ACOXL: variants seen among roughly 807,000 people sequenced by gnomAD.
The protein encoded by ACOXL is acyl-CoA oxidase like.
ACOXL carries 70 observed loss-of-function variants against 71.9 expected under a neutral mutation model. The observed-to-expected ratio is 0.97, with a 90% confidence interval of 0.80 to 1.19. The LOEUF (loss-of-function observed/expected upper bound fraction) is 1.19. ACOXL is among the 50% of genes most tolerant of loss of function. The pLI, the probability that ACOXL is intolerant of heterozygous loss-of-function variation, is 0.00. For missense variants in ACOXL, 703 were observed against 736.3 expected (o/e 0.95, Z 0.52); for synonymous variants, 253 against 281.6 (o/e 0.90, Z 1.02).
At chr2:110,916,280 A>G (rs1174484322) in intron 11 of ACOXL, among the ~76,000 whole-genome samples, 6 of 150,864 alleles carry the variant, frequency 4.0e-5, no homozygotes, top group South Asian at 4.2e-4. Flanking sequence ...CTGGGTGTTT[A>G]TCAGCTTAGT....
chr2:111,024,912 T>C (rs1033036305), intron 14 of ACOXL, among the ~76,000 whole-genome samples: 6 of 149,582 alleles, frequency 4.0e-5, no homozygotes, highest in Non-Finnish European at 8.9e-5. Flanking sequence ...TATAATAATA[T>C]ATATTACATA....
intron 13 of ACOXL, among the ~76,000 whole-genome samples, chr2:110,993,873 G>A (rs144609098): frequency 3.3e-4 from 50 of 152,302 alleles, no homozygotes; most frequent in African/African-American, 1.2e-3. Flanking sequence ...TTTCCCTGAT[G>A]TCTAATGATA....
At chr2:110,767,271 C>T (rs1681213738) in intron 1 of ACOXL, among the ~76,000 whole-genome samples, 2 of 152,120 alleles carry the variant, frequency 1.3e-5, no homozygotes, top group African/African-American at 2.4e-5. Context: ...GAAGTGGGCA[C>T]CAAGGTGGGG....
chr2:110,917,804 A>C (rs1003541259), intron 11 of ACOXL, among the ~76,000 whole-genome samples: 2 of 152,230 alleles, frequency 1.3e-5, no homozygotes, highest in Admixed American at 6.5e-5. Flanking sequence ...CCTATTCAAA[A>C]TTGCTACAAA....
chr2:110,790,231 G>A (rs1004617409), intron 3 of ACOXL, among the ~76,000 whole-genome samples: 3 of 152,320 alleles, frequency 2.0e-5, no homozygotes, highest in East Asian at 1.9e-4. Context: ...TAGTGGCTCC[G>A]TTGGTGGGTT....
chr2:110,954,241 T>C (rs906850959), intron 12 of ACOXL, among the ~76,000 whole-genome samples: 5 of 152,242 alleles, frequency 3.3e-5, no homozygotes, highest in Non-Finnish European at 2.9e-5. Flanking sequence ...CTTTTCTGTG[T>C]TATTGTGTTT....
chr2:111,086,854 A>T (rs2068236282), intron 16 of ACOXL, among the ~76,000 whole-genome samples: 1 of 152,230 alleles, frequency 6.6e-6, no homozygotes, highest in Non-Finnish European at 1.5e-5. Flanking sequence ...GAAGGGAGGA[A>T]GTCAAACTAT....
chr2:110,750,064 T>C (rs1393602113), intron 1 of ACOXL, among the ~76,000 whole-genome samples: 1 of 152,214 alleles, frequency 6.6e-6, no homozygotes, highest in Admixed American at 6.5e-5. Context: ...CGACATGGCT[T>C]ATCCCTGGTG....
At chr2:110,920,895 T>G (rs1251973990) in intron 11 of ACOXL, among the ~76,000 whole-genome samples, 1 of 152,174 alleles carries the variant, frequency 6.6e-6, no homozygotes, top group Non-Finnish European at 1.5e-5. Flanking sequence ...CCTACTCATA[T>G]TTTACTATGT....
At chr2:111,007,989 T>G (rs1198372806) in intron 14 of ACOXL, among the ~76,000 whole-genome samples, 2 of 152,222 alleles carry the variant, frequency 1.3e-5, no homozygotes. Flanking sequence ...GCTCACCCCC[T>G]GTGTACACAA....
chr2:111,116,547 G>C (rs564398589), intron 17 of ACOXL, among the ~76,000 whole-genome samples: 1 of 152,290 alleles, frequency 6.6e-6, no homozygotes, highest in East Asian at 1.9e-4. Context: ...GGGAAACTGT[G>C]ATCTTAACAA....
rs530214806 is a variant in ACOXL, at chr2:110,781,307, T to C, written c.76-3425T>C. ...AGGAGGCCTGTCAAGAGGCTGTTAC[T>C]ATAGTCCAGGGCACAAGAGTCTGGT... On this transcript the variant is annotated intron_variant, in intron 2 of 17. Transcript: ENST00000439055. Among the ~76,000 whole-genome samples, 155 of 152,222 alleles carry C rather than the reference T, an allele frequency of 1.0e-3. 1 individual carries two copies. Among genetic ancestry groups the C allele is most frequent in the African/African-American group, 3.6e-3 (148 of 41,550 alleles).
At chr2:110,847,010 C>G (rs1481762746) in intron 10 of ACOXL, among the ~76,000 whole-genome samples, 1 of 152,138 alleles carries the variant, frequency 6.6e-6, no homozygotes, top group African/African-American at 2.4e-5. Context: ...GCCATTTTCA[C>G]AGAGTGGAAA....
At chr2:110,788,927 A>T (rs1684314774) in intron 3 of ACOXL, among the ~76,000 whole-genome samples, 1 of 152,214 alleles carries the variant, frequency 6.6e-6, no homozygotes, top group Admixed American at 6.5e-5. Context: ...CCAGCTCAAG[A>T]GCCACTGGTG....
chr2:110,995,823 T>G (rs978214039), intron 13 of ACOXL, 70 bp from the exon 14 acceptor site: 1 of 1,223,742 alleles, frequency 8.2e-7, no homozygotes, highest in Admixed American at 1.7e-5. Context: ...ACAAACCTAC[T>G]CTATTTCTTT....
intron 10 of ACOXL, among the ~76,000 whole-genome samples, chr2:110,863,603 A>G (rs1573890779): frequency 6.6e-6 from 1 of 152,208 alleles, no homozygotes; most frequent in South Asian, 2.1e-4. Context: ...ACCCCCCCCA[A>G]CTGGTTGGTA....
intron 2 of ACOXL, among the ~76,000 whole-genome samples, chr2:110,783,153 A>G (rs545745734): frequency 1.3e-5 from 2 of 152,138 alleles, no homozygotes; most frequent in African/African-American, 2.4e-5. Flanking sequence ...GACCTCCCTG[A>G]GCCTGGGATT....
At chr2:110,843,008 C>G (rs747363682) in intron 10 of ACOXL, among the ~76,000 whole-genome samples, 1 of 152,192 alleles carries the variant, frequency 6.6e-6, no homozygotes, top group African/African-American at 2.4e-5. Context: ...CTATGGCACA[C>G]TTAGGAAGAA....
chr2:110,886,833 G>T, intron 10 of ACOXL: 2 of 1,550,978 alleles, frequency 1.3e-6, no homozygotes, highest in African/African-American at 1.4e-5. Flanking sequence ...TCTTTATTGA[G>T]CCCCTCTTGT....
Sources: allele counts gnomAD v4.1 joint callset (sites outside exome capture counted in the v4.1 genomes callset), GRCh38; gene constraint gnomAD v4.1.1; transcripts MANE v1.5; gene names NCBI Gene and HGNC (gene_info 2026-07-23, HGNC 2026-07-21).